PARD3B: variants seen among roughly 807,000 people sequenced by gnomAD.
PARD3B encodes par-3 family cell polarity regulator beta.
In PARD3B, 103 loss-of-function variants were observed where a neutral mutation model predicts 130.2. The observed-to-expected ratio is 0.79, with a 90% CI of 0.67 to 0.93. The LOEUF (loss-of-function observed/expected upper bound fraction) is 0.93, where lower values mean the gene tolerates loss of function less well. Ranked by LOEUF, PARD3B falls within the 40% of genes least tolerant of loss-of-function variation. The pLI is 0.00. For missense variants in PARD3B, 1,609 were observed against 1,499.2 expected, an observed-to-expected ratio of 1.07 and a Z score of -1.21; for synonymous variants, 583 against 553.2, an observed-to-expected ratio of 1.05 and a Z score of -0.76.
In PARD3B at chr2:205,229,157, T is replaced by G. The variant is rs2038710151; in HGVS notation, c.2141-16621T>G. ...GAAGTCATGTTTTCCTGGATGGTCT[T>G]GAGGCTTGTGATTGTTTATCATTGT... On this transcript the variant is annotated intron_variant, in intron 15 of 22. Coordinates refer to ENST00000406610, the MANE Select transcript of PARD3B (RefSeq NM_001302769.2). The surrounding 1 kb of genome is among the most constrained non-coding windows in gnomAD (Gnocchi z 5.2). Among the ~76,000 whole-genome samples the G allele has an allele frequency of 6.6e-6, 1 of 152,258 alleles. No individual in the cohort carries two copies. Among genetic ancestry groups the G allele is most frequent in the South Asian group, 2.1e-4 (1 of 4,838 alleles).
At chr2:205,537,965 T>G (rs932921438) in intron 21 of PARD3B, among the ~76,000 whole-genome samples, 2 of 152,156 alleles carry the variant, frequency 1.3e-5, no homozygotes, top group Admixed American at 6.5e-5. Flanking sequence ...TTTCTGTGGG[T>G]AGTTGAGGAT....
chr2:204,597,407 A>C (rs2033344409), intron 1 of PARD3B, among the ~76,000 whole-genome samples: 3 of 152,240 alleles, frequency 2.0e-5, no homozygotes, highest in South Asian at 2.1e-4. Context: ...ATGCTTTTTA[A>C]ATTTTCTTGC....
chr2:205,223,748 T>G (rs1212129550), intron 15 of PARD3B, among the ~76,000 whole-genome samples: 1 of 152,196 alleles, frequency 6.6e-6, no homozygotes, highest in Non-Finnish European at 1.5e-5. Flanking sequence ...CAGCCACTGA[T>G]CACATTCTTA....
chr2:204,778,698 A>G (rs2041727549), intron 2 of PARD3B, among the ~76,000 whole-genome samples: 1 of 152,114 alleles, frequency 6.6e-6, no homozygotes, highest in African/African-American at 2.4e-5. Context: ...TATAAAATAT[A>G]TAGTGAATCC....
At chr2:205,317,042 T>C (rs1207077608) in intron 18 of PARD3B, among the ~76,000 whole-genome samples, 1 of 152,156 alleles carries the variant, frequency 6.6e-6, no homozygotes, top group Non-Finnish European at 1.5e-5. Flanking sequence ...CCACAACCTT[T>C]CCTCAAAGTG....
chr2:205,542,442 G>A (rs2052198790), intron 21 of PARD3B, among the ~76,000 whole-genome samples: 1 of 151,206 alleles, frequency 6.6e-6, no homozygotes, highest in South Asian at 2.1e-4. Flanking sequence ...TTTGACATAA[G>A]AACATCAGTT....
intron 3 of PARD3B, among the ~76,000 whole-genome samples, chr2:204,987,114 C>A (rs1051058263): frequency 6.6e-6 from 1 of 151,958 alleles, no homozygotes; most frequent in African/African-American, 2.4e-5. Context: ...TCCAAAGGTG[C>A]CTTTCCTCAC....
At chr2:205,574,036 C>T (rs145076213) in intron 22 of PARD3B, among the ~76,000 whole-genome samples, 36 of 152,076 alleles carry the variant, frequency 2.4e-4, no homozygotes, top group African/African-American at 8.2e-4. Context: ...ACAGCTTCAC[C>T]GCAGAATAGC....
intron 15 of PARD3B, among the ~76,000 whole-genome samples, chr2:205,215,735 A>G (rs2037874135): frequency 6.6e-6 from 1 of 152,110 alleles, no homozygotes; most frequent in African/African-American, 2.4e-5. Flanking sequence ...TAGGCACCTT[A>G]ACACTATTTT....
chr2:205,578,060 C>T (rs2053827258), intron 22 of PARD3B, among the ~76,000 whole-genome samples: 2 of 152,164 alleles, frequency 1.3e-5, no homozygotes, highest in African/African-American at 4.8e-5. Context: ...TGTATCCACT[C>T]TTTAGCTACT....
intron 22 of PARD3B, among the ~76,000 whole-genome samples, chr2:205,583,880 C>A (rs1479362968): frequency 2.0e-5 from 3 of 152,198 alleles, no homozygotes; most frequent in African/African-American, 7.2e-5. Context: ...GTCTACACAA[C>A]CTGTGCCTGT....
At chr2:204,796,614 C>T (rs1160843718) in intron 2 of PARD3B, among the ~76,000 whole-genome samples, 1 of 152,168 alleles carries the variant, frequency 6.6e-6, no homozygotes, top group Admixed American at 6.5e-5. Flanking sequence ...TTCAGACATG[C>T]AGAATGAGCA....
chr2:205,596,063 G>A (rs1000718180), intron 22 of PARD3B, among the ~76,000 whole-genome samples: 1 of 152,160 alleles, frequency 6.6e-6, no homozygotes, highest in Non-Finnish European at 1.5e-5. Context: ...CAGAAGGTAG[G>A]CTGACAGGCT....
intron 1 of PARD3B, among the ~76,000 whole-genome samples, chr2:204,597,583 C>T (rs1323983444): frequency 1.3e-5 from 2 of 152,170 alleles, no homozygotes; most frequent in East Asian, 1.9e-4. Context: ...GGCTGGGGAG[C>T]AGGTGATGTT....
intron 18 of PARD3B, among the ~76,000 whole-genome samples, chr2:205,383,382 T>C (rs2045552561): frequency 6.6e-6 from 1 of 152,056 alleles, no homozygotes; most frequent in Non-Finnish European, 1.5e-5. Flanking sequence ...TTTTTCAGAA[T>C]TGCTAATCCA....
intron 16 of PARD3B, among the ~76,000 whole-genome samples, chr2:205,278,906 C>CA (rs1424806474): frequency 1.3e-5 from 2 of 151,332 alleles, no homozygotes; most frequent in African/African-American, 4.8e-5. Flanking sequence ...CCTGTCTCTA[C>CA]AAAAAAATAT....
At chr2:205,508,157 CTCTT>C (rs1366423711) in intron 21 of PARD3B, among the ~76,000 whole-genome samples, 1 of 152,196 alleles carries the variant, frequency 6.6e-6, no homozygotes, top group Non-Finnish European at 1.5e-5. Context: ...TAAAGTTGCT[CTCTT>C]TCTTTACATA....
chr2:204,729,949 G>A (rs1417179222), intron 2 of PARD3B, among the ~76,000 whole-genome samples: 3 of 148,866 alleles, frequency 2.0e-5, no homozygotes, highest in Non-Finnish European at 4.5e-5. Context: ...GTATCTTTAT[G>A]TAAAGCATTA....
At chr2:205,355,222 C>T (rs2044148866) in intron 18 of PARD3B, among the ~76,000 whole-genome samples, 1 of 152,166 alleles carries the variant, frequency 6.6e-6, no homozygotes, top group Admixed American at 6.5e-5. Context: ...CACCGGACCT[C>T]ATGCATGACG....
Sources: allele counts gnomAD v4.1 joint callset (sites outside exome capture counted in the v4.1 genomes callset), GRCh38; gene constraint gnomAD v4.1.1; non-coding constraint Gnocchi (gnomAD v3.1); transcripts MANE v1.5; gene names NCBI Gene and HGNC (gene_info 2026-07-23, HGNC 2026-07-21).